Variants in APBB1IP observed in about 807,000 individuals in gnomAD.
The protein encoded by APBB1IP is amyloid beta precursor protein binding family B member 1 interacting protein.
A neutral mutation model predicts 64.9 loss-of-function variants in APBB1IP; 27 were observed. The ratio of observed to expected loss-of-function variants is 0.42; its 90% confidence interval spans 0.31 to 0.57. APBB1IP has a LOEUF of 0.57. Ranked by LOEUF, APBB1IP falls within the 20% of genes least tolerant of loss-of-function variation. The probability of loss-of-function intolerance (pLI) is 0.20; values close to 1 mark genes in which losing one functional copy is unlikely to be tolerated. For missense variants in APBB1IP, 812 were observed against 845.5 expected (o/e 0.96, Z 0.49); for synonymous variants, 392 against 331.0 (o/e 1.18, Z -2.00).
intron 8 of APBB1IP, among the ~76,000 whole-genome samples, chr10:26,525,662 G>T (rs140894499): frequency 2.0e-5 from 3 of 152,130 alleles, no homozygotes; most frequent in African/African-American, 7.2e-5. Flanking sequence ...CTAACCCATT[G>T]CTAGGTTTAT....
At chr10:26,533,172 A>T (rs1471300629) in intron 8 of APBB1IP, among the ~76,000 whole-genome samples, 1 of 152,142 alleles carries the variant, frequency 6.6e-6, no homozygotes, top group Non-Finnish European at 1.5e-5. Context: ...TTCAACAATT[A>T]AATGATGTAT....
At chr10:26,495,953 T>G (rs1836017365) in intron 3 of APBB1IP, among the ~76,000 whole-genome samples, 1 of 134,778 alleles carries the variant, frequency 7.4e-6, no homozygotes, top group Non-Finnish European at 1.5e-5. Context: ...TAAAATATAT[T>G]TTATATATAT....
intron 11 of APBB1IP, among the ~76,000 whole-genome samples, chr10:26,546,685 C>T (rs944198565): frequency 3.9e-5 from 6 of 152,156 alleles, no homozygotes; most frequent in South Asian, 2.1e-4. Context: ...CCATTCTCTC[C>T]GGTCTCTAGT....
intron 6 of APBB1IP, among the ~76,000 whole-genome samples, chr10:26,504,397 C>T (rs1481046374): frequency 1.3e-5 from 2 of 152,098 alleles, no homozygotes; most frequent in African/African-American, 2.4e-5. Flanking sequence ...GAAGAATATA[C>T]CTAATGATAA....
intron 2 of APBB1IP, among the ~76,000 whole-genome samples, chr10:26,478,602 G>A (rs1325083651): frequency 2.8e-5 from 4 of 143,944 alleles, no homozygotes; most frequent in African/African-American, 5.0e-5. Flanking sequence ...GCAACAGAGC[G>A]AGACTCCGTC....
At position 26,553,559 on chromosome 10, in the gene APBB1IP, G is replaced by A. The variant is rs191031174; in HGVS notation, c.1156-6546G>A. Among the ~76,000 whole-genome samples the A allele has an allele frequency of 7.0e-4, 106 of 152,234 alleles. 1 individual carries two copies. The highest frequency in any genetic ancestry group is 1.8e-3 in the African/African-American group (76 of 41,554). On this transcript the variant is annotated intron_variant, in intron 11 of 14. Coordinates refer to ENST00000376236, the MANE Select transcript of APBB1IP (RefSeq NM_019043.4). ...GTCCCAGCTCCTCAGGTGGCCGATC[G>A]GGGTGGGAGAATCACTTGAGCCCAG...
At chr10:26,483,796 T>A (rs1002509052) in intron 2 of APBB1IP, among the ~76,000 whole-genome samples, 1 of 152,194 alleles carries the variant, frequency 6.6e-6, no homozygotes, top group Non-Finnish European at 1.5e-5. Flanking sequence ...CACTTCAGCC[T>A]TGAACTCCTG....
chr10:26,469,822 G>A (rs1835695253), intron 2 of APBB1IP, among the ~76,000 whole-genome samples: 1 of 152,152 alleles, frequency 6.6e-6, no homozygotes, highest in South Asian at 2.1e-4. Flanking sequence ...ATATCCATGA[G>A]TACGTGATGT....
chr10:26,478,390 A>C (rs1029292679), intron 2 of APBB1IP, among the ~76,000 whole-genome samples: 1 of 152,078 alleles, frequency 6.6e-6, no homozygotes, highest in African/African-American at 2.4e-5. Flanking sequence ...TGTGAATTAG[A>C]AGGAGGCGTT....
intron 5 of APBB1IP, chr10:26,501,911 A>G (rs995305779): frequency 1.6e-4 from 25 of 152,240 alleles, no homozygotes; most frequent in African/African-American, 5.8e-4. Flanking sequence ...TTGAATATAA[A>G]TCAAATATTA....
At chr10:26,515,051 T>TTTG (rs1554777131) in intron 8 of APBB1IP, among the ~76,000 whole-genome samples, 4 of 150,298 alleles carry the variant, frequency 2.7e-5, no homozygotes, top group Non-Finnish European at 5.9e-5. Flanking sequence ...TTTTTTTTTT[T>TTTG]TTTTGTATTT....
chr10:26,475,815 T>TTC lies in APBB1IP; in HGVS notation c.1-16512_1-16511insTC, dbSNP rs1184764142. Among the ~76,000 whole-genome samples, 3 of 152,234 alleles carry TTC rather than the reference T, an allele frequency of 2.0e-5. No homozygotes were observed. The East Asian group carries it at 5.8e-4, about 29-fold the overall frequency. On this transcript the variant is annotated intron_variant, in intron 2 of 14. Coordinates refer to ENST00000376236, the MANE Select transcript of APBB1IP (RefSeq NM_019043.4). ...GCTACTGCTTTTCATTCTGCTCTTC[T>TTC]CCCTTCTTCCCCTTCTCTGTTTTTT...
rs1364095719 is a variant in APBB1IP at position 26,567,125 on chromosome 10, G to A, written c.1638G>A (p.Leu546=). The change falls in exon 15 of 15, where the codon TTG becomes TTA. Residue 546 remains leucine, a synonymous_variant. Coordinates refer to ENST00000376236, the MANE Select transcript of APBB1IP (RefSeq NM_019043.4). ...CCAAGGGCACAGGCGGCGGGGGCTT[G>A]CCCGCCCCACCCGACGACTTCCTGC... is the stretch of plus-strand genomic sequence containing the variant. ...LKAKGTGGGG[L]PAPPDDFLPP... is the part of the protein sequence containing the mutation. The A allele has an allele frequency of 8.4e-6, 12 of 1,421,362 alleles. No individual in the cohort carries two copies. Among genetic ancestry groups the A allele is most frequent in the African/African-American group, 3.0e-5 (2 of 65,662 alleles). The allele number at this position is 1,421,362 out of a possible 1,614,324, so 88.0% of individuals were successfully genotyped here. A position where few individuals can be genotyped will look rare whatever the true frequency, so the allele number is the denominator to read the frequency against.
intron 11 of APBB1IP, among the ~76,000 whole-genome samples, chr10:26,545,716 C>T (rs1215671975): frequency 2.6e-5 from 4 of 151,086 alleles, no homozygotes; most frequent in Non-Finnish European, 3.0e-5. Flanking sequence ...GCCGAGATCG[C>T]GCCACTGCAC....
chr10:26,532,942 C>T (rs941743239), intron 8 of APBB1IP, among the ~76,000 whole-genome samples: 2 of 152,128 alleles, frequency 1.3e-5, no homozygotes, highest in African/African-American at 4.8e-5. Flanking sequence ...TAAAAGAGGC[C>T]GCTAACATTT....
intron 11 of APBB1IP, among the ~76,000 whole-genome samples, chr10:26,557,656 T>C (rs562059707): frequency 6.6e-6 from 1 of 152,342 alleles, no homozygotes; most frequent in East Asian, 1.9e-4. Flanking sequence ...GTAACCTCTC[T>C]GAGCCTCAGT....
chr10:26,448,831 G>T (rs1031303215), intron 2 of APBB1IP, among the ~76,000 whole-genome samples: 1 of 152,192 alleles, frequency 6.6e-6, no homozygotes, highest in Admixed American at 6.5e-5. Flanking sequence ...GGAAACAAAT[G>T]GCGAAGCAGG....
chr10:26,515,275 C>T (rs1487791453), intron 8 of APBB1IP, among the ~76,000 whole-genome samples: 1 of 152,166 alleles, frequency 6.6e-6, no homozygotes, highest in Non-Finnish European at 1.5e-5. Flanking sequence ...AAGCTACAAG[C>T]TTATTTCTCT....
Position 26,567,497 on chromosome 10 carries a change from A to G in APBB1IP, c.*9A>G, listed in dbSNP as rs1837072051. The G allele has an allele frequency of 2.6e-6, 4 of 1,556,578 alleles. No individual in the cohort carries two copies. In the South Asian group the frequency reaches 3.3e-5, roughly 13 times the overall value. On this transcript the variant is annotated 3_prime_UTR_variant, in exon 15 of 15. Coordinates refer to ENST00000376236, the MANE Select transcript of APBB1IP (RefSeq NM_019043.4). ...GAGGCAACGTGTCCTAGGGACGGGC[A>G]TGATGAGTGTTCCAGAGGGAGAAGC...
Sources: allele counts gnomAD v4.1 joint callset (sites outside exome capture counted in the v4.1 genomes callset), GRCh38; gene constraint gnomAD v4.1.1; transcripts MANE v1.5; gene names NCBI Gene and HGNC (gene_info 2026-07-23, HGNC 2026-07-21).